PTPRZ1: variants seen among roughly 807,000 people sequenced by gnomAD.
PTPRZ1 encodes the protein receptor-type tyrosine-protein phosphatase zeta.
PTPRZ1 carries 82 observed loss-of-function variants against 214.1 expected under a neutral mutation model. The ratio of observed to expected loss-of-function variants is 0.38; its 90% confidence interval spans 0.32 to 0.46. The LOEUF (loss-of-function observed/expected upper bound fraction) is 0.46. PTPRZ1 is among the 20% of genes least tolerant of loss of function. PTPRZ1 has a pLI of 1.00. For missense variants in PTPRZ1, 2,603 were observed against 2,748.7 expected, an observed-to-expected ratio of 0.95 and a Z score of 1.19; for synonymous variants, 945 against 987.9, an observed-to-expected ratio of 0.96 and a Z score of 0.81.
intron 22 of PTPRZ1, 32 bp downstream of exon 22, chr7:122,042,775 C>G: frequency 1.3e-6 from 2 of 1,585,608 alleles, no homozygotes; most frequent in Non-Finnish European, 1.7e-6. Flanking sequence ...TTTTATTCAT[C>G]TAAGGTATGG....
intron 8 of PTPRZ1, among the ~76,000 whole-genome samples, chr7:121,991,161 C>G (rs1376149988): frequency 6.6e-6 from 1 of 152,104 alleles, no homozygotes; most frequent in East Asian, 1.9e-4. Flanking sequence ...AAATGGTCAC[C>G]CTATAGGGTT....
Position 122,028,657 on chromosome 7 carries a change from G to A in PTPRZ1, c.5080+14G>A, listed in dbSNP as rs376372053. On this transcript the variant is annotated intron_variant, in intron 14 of 29. Transcript: ENST00000393386. ...TTCCAATTTCAGGTAATGGCTTAAA[G>A]TGTGACCATGAGTAGCTGGTAGATG... 6.6e-7 allele frequency: 1 copy of A among 1,507,614 alleles called. No individual in the cohort carries two copies. Among genetic ancestry groups the A allele is most frequent in the African/African-American group, 1.4e-5 (1 of 72,348 alleles). The allele number at this position is 1,507,614 out of a possible 1,614,324, so 93.4% of individuals were successfully genotyped here.
rs942831873 is a variant in PTPRZ1, at chr7:122,061,924, T to C, written c.*704T>C. 6.6e-5 allele frequency: 10 copies of C among 152,634 alleles called. No individual in the cohort carries two copies. The highest frequency in any genetic ancestry group is 2.2e-4 in the African/African-American group (9 of 41,452). The allele number at this position is 152,634 out of a possible 1,614,324, so 9.5% of individuals were successfully genotyped here. On this transcript the variant is annotated 3_prime_UTR_variant, in exon 30 of 30. Coordinates refer to ENST00000393386, the MANE Select transcript of PTPRZ1 (RefSeq NM_002851.3). ...ATGTAATTTTAACTTTTGTGGAAAATAGAAATACCTTCATTTTGAAAGAAG... is the reference window on the plus strand; with the variant it reads ...ATGTAATTTTAACTTTTGTGGAAAACAGAAATACCTTCATTTTGAAAGAAG...
At chr7:121,912,258 C>G (rs186977556) in intron 1 of PTPRZ1, among the ~76,000 whole-genome samples, 1 of 152,304 alleles carries the variant, frequency 6.6e-6, no homozygotes, top group Non-Finnish European at 1.5e-5. Flanking sequence ...TATAGTGTCC[C>G]TATCCACTGT....
At chr7:121,936,949 G>A (rs1159889544) in intron 2 of PTPRZ1, among the ~76,000 whole-genome samples, 2 of 152,154 alleles carry the variant, frequency 1.3e-5, no homozygotes, top group African/African-American at 2.4e-5. Context: ...TTCTGCTTAA[G>A]CCACATAGTG....
At chr7:121,879,106 T>G (rs778061885) in intron 1 of PTPRZ1, among the ~76,000 whole-genome samples, 1 of 152,218 alleles carries the variant, frequency 6.6e-6, no homozygotes, top group Non-Finnish European at 1.5e-5. Flanking sequence ...GTCATGAATG[T>G]GATTAATGCC....
chr7:121,992,736 ACTATCTT>A (rs768122154), intron 8 of PTPRZ1, among the ~76,000 whole-genome samples: 4 of 151,816 alleles, frequency 2.6e-5, no homozygotes, highest in Non-Finnish European at 4.4e-5. Flanking sequence ...AGGCTGAGAC[ACTATCTT>A]CTTCTTCTGT....
chr7:121,873,569 G>A lies in PTPRZ1; in HGVS notation c.58+12G>A. The A allele has an allele frequency of 6.2e-7, 1 of 1,613,486 alleles. No individual in the cohort carries two copies. On this transcript the variant is annotated intron_variant, in intron 1 of 29. Coordinates refer to ENST00000393386, the MANE Select transcript of PTPRZ1 (RefSeq NM_002851.3). ...TGTTTGCCGCCTGGGTGAGTGAGAA[G>A]AGCTCGGTGGGGTTTCAGCTCCGGG...
intron 1 of PTPRZ1, chr7:121,908,375 C>A: frequency 4.6e-5 from 11 of 238,146 alleles, no homozygotes; most frequent in South Asian, 1.3e-4. Context: ...AAAAGAATAT[C>A]AACTATACAT....
At chr7:121,980,998 C>T (rs1797591554) in intron 6 of PTPRZ1, among the ~76,000 whole-genome samples, 1 of 152,096 alleles carries the variant, frequency 6.6e-6, no homozygotes, top group South Asian at 2.1e-4. Context: ...AAAAATTAGC[C>T]AGGCGTGGTG....
intron 17 of PTPRZ1, among the ~76,000 whole-genome samples, chr7:122,034,875 T>G (rs988879288): frequency 1.3e-5 from 2 of 152,200 alleles, no homozygotes; most frequent in Non-Finnish European, 2.9e-5. Context: ...CTTTGTTTTC[T>G]TAGCCTTTCT....
chr7:121,873,358 A>G lies in PTPRZ1; in HGVS notation c.-142A>G. On this transcript the variant is annotated 5_prime_UTR_variant, in exon 1 of 30. Coordinates refer to ENST00000393386, the MANE Select transcript of PTPRZ1 (RefSeq NM_002851.3). ...CACACACACACACACACAAACACAC[A>G]TACGCACGCACGATCTCACTTCGAT... is the stretch of plus-strand genomic sequence containing the variant. The G allele has an allele frequency of 1.4e-6, 1 of 711,572 alleles. No homozygotes were observed. Among genetic ancestry groups the G allele is most frequent in the Admixed American group, 2.3e-5 (1 of 43,938 alleles). 44.1% of individuals were successfully genotyped at this position (711,572 alleles called of 1,614,324 possible).
intron 2 of PTPRZ1, among the ~76,000 whole-genome samples, chr7:121,944,018 A>G (rs748714288): frequency 2.0e-5 from 3 of 152,204 alleles, no homozygotes; most frequent in Non-Finnish European, 2.9e-5. Context: ...GTAACATGTA[A>G]CAACATTGAA....
chr7:121,931,012 C>T (rs1795905500), intron 2 of PTPRZ1, among the ~76,000 whole-genome samples: 1 of 152,114 alleles, frequency 6.6e-6, no homozygotes, highest in Non-Finnish European at 1.5e-5. Context: ...TAATGCAGGA[C>T]ATCTTTTTAA....
At chr7:121,970,730 A>C (rs144406387) in intron 3 of PTPRZ1, among the ~76,000 whole-genome samples, 9,124 of 152,058 alleles carry the variant, frequency 0.06, 328 homozygotes, top group Non-Finnish European at 0.085. Flanking sequence ...AGATTGCAAA[A>C]ATTTTCTCCT....
intron 23 of PTPRZ1, among the ~76,000 whole-genome samples, chr7:122,048,430 C>T (rs918146168): frequency 3.3e-5 from 5 of 151,966 alleles, no homozygotes; most frequent in African/African-American, 1.2e-4. Context: ...TGTGACAATA[C>T]ATTTGAAAAC....
intron 1 of PTPRZ1, among the ~76,000 whole-genome samples, chr7:121,878,432 T>C (rs1794128800): frequency 6.6e-6 from 1 of 152,294 alleles, no homozygotes; most frequent in Non-Finnish European, 1.5e-5. Flanking sequence ...TCTAAAGTCA[T>C]TGAAATTGTT....
intron 1 of PTPRZ1, among the ~76,000 whole-genome samples, chr7:121,925,681 A>G (rs544295839): frequency 6.6e-6 from 1 of 152,338 alleles, no homozygotes; most frequent in South Asian, 2.1e-4. Context: ...CAGGACATTC[A>G]GGGCCATAAG....
intron 3 of PTPRZ1, among the ~76,000 whole-genome samples, 169 bp downstream of exon 3, chr7:121,968,299 G>A (rs571983345): frequency 1.4e-4 from 21 of 151,424 alleles, no homozygotes; most frequent in African/African-American, 5.1e-4. Flanking sequence ...ACAATATTTT[G>A]ACAATTTGTA....
Sources: allele counts gnomAD v4.1 joint callset (sites outside exome capture counted in the v4.1 genomes callset), GRCh38; gene constraint gnomAD v4.1.1; transcripts MANE v1.5; gene names NCBI Gene and HGNC (gene_info 2026-07-23, HGNC 2026-07-21).